Variants in ATF7IP observed in about 807,000 individuals in gnomAD.
ATF7IP encodes activating transcription factor 7-interacting protein 1.
A neutral mutation model predicts 106.4 loss-of-function variants in ATF7IP; 23 were observed. The observed-to-expected ratio is 0.22, with a 90% confidence interval of 0.16 to 0.31. The LOEUF is 0.31. Ranked by LOEUF, ATF7IP falls within the 10% of genes least tolerant of loss-of-function variation. The pLI, the probability that ATF7IP is intolerant of heterozygous loss-of-function variation, is 1.00. For missense variants in ATF7IP, 1,334 were observed against 1,524.3 expected (o/e 0.88, Z 2.08); for synonymous variants, 542 against 539.0 (o/e 1.01, Z -0.08).
intron 6 of ATF7IP, among the ~76,000 whole-genome samples, chr12:14,453,198 C>T (rs941966162): frequency 6.6e-5 from 10 of 151,232 alleles, no homozygotes; most frequent in African/African-American, 2.4e-4. Flanking sequence ...TTTGGGTTAA[C>T]AATAGTTGGA....
intron 13 of ATF7IP, among the ~76,000 whole-genome samples, chr12:14,491,420 G>T (rs549717382): frequency 6.6e-6 from 1 of 152,162 alleles, no homozygotes; most frequent in African/African-American, 2.4e-5. Flanking sequence ...TTTTACTGAG[G>T]TAGAAGATCC....
At chr12:14,395,254 T>TAAGA (rs1382923901) in intron 1 of ATF7IP, 1 of 152,102 alleles carries the variant, frequency 6.6e-6, no homozygotes, top group East Asian at 1.9e-4. Context: ...TGCCCACAGG[T>TAAGA]AAGAGATTCA....
rs1941840619 is a variant in ATF7IP, at chr12:14,426,221, T to G, written c.1558+748T>G. On this transcript the variant is annotated intron_variant, in intron 2 of 14. Transcript: ENST00000261168. ...CCATCTCTTTTATTTTATTTATTAT[T>G]CCTAGAGAAAAAGAATGAGAAAAAT... 2.0e-5 allele frequency among the ~76,000 whole-genome samples: 3 copies of G among 152,316 alleles called. No homozygotes were observed. In the South Asian group the frequency reaches 6.2e-4, roughly 32 times the overall value.
chr12:14,498,152 T>C lies in ATF7IP; in HGVS notation c.*79T>C, dbSNP rs1217461621. The C allele has an allele frequency of 8.7e-5, 117 of 1,347,952 alleles. 1 individual carries two copies. Among genetic ancestry groups the C allele is most frequent in the Non-Finnish European group, 2.3e-5 (23 of 989,680 alleles). 83.5% of individuals were successfully genotyped at this position (1,347,952 alleles called of 1,614,324 possible). A position where few individuals can be genotyped will look rare whatever the true frequency, so the allele number is the denominator to read the frequency against. ...TTTTAATCTTGTGCATGATACCCCA[T>C]GTAAAATCCACCTTGTGCAAGATTT... On this transcript the variant is annotated 3_prime_UTR_variant, in exon 15 of 15. Coordinates refer to ENST00000261168, the MANE Select transcript of ATF7IP (RefSeq NM_018179.5).
chr12:14,445,393 C>CT (rs111253633), intron 5 of ATF7IP, among the ~76,000 whole-genome samples: 9,248 of 148,076 alleles, frequency 0.062, 301 homozygotes, highest in African/African-American at 0.075. Context: ...TTCTTTCTTT[C>CT]TTTTTTTTTT....
chr12:14,457,303 T>C lies in ATF7IP; in HGVS notation c.2158+8T>C, dbSNP rs773509645. On this transcript the variant is annotated splice_region_variant and intron_variant, in intron 8 of 14. Transcript: ENST00000261168. ...AAACTCCTGTGAATACAGGTAACTTTTTTTTTAAATACCAAAATACATTTT... is the reference window on the plus strand; with the variant it reads ...AAACTCCTGTGAATACAGGTAACTTCTTTTTTAAATACCAAAATACATTTT... 2.5e-6 allele frequency: 4 copies of C among 1,573,646 alleles called. No homozygotes were observed. In the Admixed American group the frequency reaches 7.4e-5, roughly 29 times the overall value.
intron 14 of ATF7IP, among the ~76,000 whole-genome samples, chr12:14,497,411 A>C (rs1364893727): frequency 6.6e-6 from 1 of 152,312 alleles, no homozygotes; most frequent in East Asian, 1.9e-4. Context: ...TTTCCTAAGA[A>C]AAACTCAAAA....
intron 1 of ATF7IP, among the ~76,000 whole-genome samples, chr12:14,411,206 T>C (rs1386188091): frequency 3.3e-5 from 5 of 152,192 alleles, no homozygotes; most frequent in Admixed American, 2.6e-4. Context: ...AACTGCCTGT[T>C]TTCCAAAGCA....
intron 13 of ATF7IP, among the ~76,000 whole-genome samples, chr12:14,487,917 C>A (rs1203431466): frequency 6.6e-6 from 1 of 152,164 alleles, no homozygotes; most frequent in African/African-American, 2.4e-5. Context: ...TCCCTAAACT[C>A]CTTGCTTCTC....
intron 10 of ATF7IP, among the ~76,000 whole-genome samples, chr12:14,466,823 T>A (rs1253381865): frequency 1.3e-5 from 2 of 152,150 alleles, no homozygotes; most frequent in African/African-American, 4.8e-5. Context: ...TTTATTCTAT[T>A]AACTGACTGA....
At chr12:14,488,379 G>T (rs1565555171) in intron 13 of ATF7IP, among the ~76,000 whole-genome samples, 2 of 152,140 alleles carry the variant, frequency 1.3e-5, no homozygotes, top group Non-Finnish European at 2.9e-5. Context: ...CTTGGAGGCC[G>T]ATGTTTCAGG....
At chr12:14,385,358 A>G (rs1221287891) in intron 1 of ATF7IP, 2 of 1,532,780 alleles carry the variant, frequency 1.3e-6, no homozygotes, top group Non-Finnish European at 1.7e-6. Flanking sequence ...TTAGGCAGCA[A>G]GTATGTCAGT....
At chr12:14,389,326 T>C (rs954023942) in intron 1 of ATF7IP, among the ~76,000 whole-genome samples, 35 of 152,242 alleles carry the variant, frequency 2.3e-4, no homozygotes, top group Non-Finnish European at 8.8e-5. Context: ...TGTATGGATA[T>C]GGCAGATGTA....
At chr12:14,429,081 A>T (rs999153891) in intron 2 of ATF7IP, among the ~76,000 whole-genome samples, 1 of 152,136 alleles carries the variant, frequency 6.6e-6, no homozygotes, top group Non-Finnish European at 1.5e-5. Context: ...TTTTAGTGCC[A>T]TTCTTCAAGT....
At chr12:14,494,446 TAAAC>T (rs1324237281) in intron 13 of ATF7IP, among the ~76,000 whole-genome samples, 2 of 145,024 alleles carry the variant, frequency 1.4e-5, no homozygotes, top group Non-Finnish European at 1.5e-5. Flanking sequence ...ATATATGTAT[TAAAC>T]TAATAGGGTA....
intron 11 of ATF7IP, 136 bp from the exon 12 acceptor site, chr12:14,478,181 A>T: frequency 1.3e-6 from 1 of 793,942 alleles, no homozygotes; most frequent in Non-Finnish European, 2.0e-6. Flanking sequence ...CGTAAGTAAA[A>T]TGGAAATAAA....
chr12:14,425,887 A>G (rs1483135322), intron 2 of ATF7IP, among the ~76,000 whole-genome samples: 2 of 152,212 alleles, frequency 1.3e-5, no homozygotes, highest in African/African-American at 2.4e-5. Flanking sequence ...TATATTTTCA[A>G]TTAATATTCC....
At chr12:14,472,207 TA>T (rs1439431700) in intron 10 of ATF7IP, among the ~76,000 whole-genome samples, 1 of 152,174 alleles carries the variant, frequency 6.6e-6, no homozygotes, top group Non-Finnish European at 1.5e-5. Context: ...AGTAGTGTTT[TA>T]TGCTAAGTAA....
At chr12:14,444,841 C>T (rs16909900) in intron 5 of ATF7IP, among the ~76,000 whole-genome samples, 6,617 of 152,158 alleles carry the variant, frequency 0.043, 189 homozygotes, top group Non-Finnish European at 0.063. Context: ...TTCTGCCAAT[C>T]ATAGCTTCCA....
Sources: gnomAD v4.1 joint callset for allele counts (sites outside exome capture counted in the v4.1 genomes callset) on GRCh38, gnomAD v4.1.1 for gene constraint, MANE v1.5 for transcripts, NCBI Gene and HGNC (gene_info 2026-07-23, HGNC 2026-07-21) for gene names.